Variants in CRYZL1 observed in about 807,000 individuals in gnomAD.
CRYZL1 encodes ferry endosomal RAB5 effector complex subunit 4.
CRYZL1 carries 34 observed loss-of-function variants against 50.6 expected under a neutral mutation model. The observed-to-expected ratio is 0.67, with a 90% CI of 0.51 to 0.89. The LOEUF (loss-of-function observed/expected upper bound fraction) is 0.89. Ranked by LOEUF, CRYZL1 falls within the 40% of genes least tolerant of loss-of-function variation. CRYZL1 has a pLI of 0.00. For missense variants in CRYZL1, 354 were observed against 402.3 expected (o/e 0.88, Z 1.03); for synonymous variants, 125 against 134.3 (o/e 0.93, Z 0.48).
intron 5 of CRYZL1, among the ~76,000 whole-genome samples, chr21:33,615,365 G>C (rs951462056): frequency 2.0e-5 from 3 of 151,816 alleles, no homozygotes; most frequent in African/African-American, 7.3e-5. Flanking sequence ...TGTTGCCCAG[G>C]CTGGTCTTGA....
At chr21:33,621,801 T>C (rs550511710) in intron 4 of CRYZL1, among the ~76,000 whole-genome samples, 195 bp downstream of exon 4, 2 of 152,098 alleles carry the variant, frequency 1.3e-5, no homozygotes, top group East Asian at 3.9e-4. Context: ...AGGCTGTAGC[T>C]ATGATCAGGC....
At chr21:33,633,004 T>C (rs1456910658) in intron 1 of CRYZL1, among the ~76,000 whole-genome samples, 1 of 152,208 alleles carries the variant, frequency 6.6e-6, no homozygotes, top group Non-Finnish European at 1.5e-5. Context: ...CTTTAATGTC[T>C]GTTTTCTTTC....
In CRYZL1 at chr21:33,603,550, A is replaced by G; in HGVS notation, c.332-13T>C. ...TCTGGTTTATGAACTATCATAAAGA[A>G]CAAGAAGAAACAATCTGTTAGCAAG... On this transcript the variant is annotated splice_polypyrimidine_tract_variant and intron_variant, in intron 6 of 12. Transcript: ENST00000381554. The G allele has an allele frequency of 6.2e-7, 1 of 1,613,682 alleles. No individual in the cohort carries two copies. The highest frequency in any genetic ancestry group is 1.1e-5 in the South Asian group (1 of 91,088).
At chr21:33,621,269 C>T (rs2086997360) in intron 4 of CRYZL1, among the ~76,000 whole-genome samples, 2 of 147,942 alleles carry the variant, frequency 1.4e-5, no homozygotes, top group Non-Finnish European at 3.0e-5. Context: ...TTGAGCAACA[C>T]ATACAATACA....
rs2086624271 is a variant in CRYZL1 at position 33,589,875 on chromosome 21, T to A, written c.997A>T (p.Met333Leu). 2 of 1,612,560 alleles carry A rather than the reference T, an allele frequency of 1.2e-6. No homozygotes were observed. Among genetic ancestry groups the A allele is most frequent in the Admixed American group, 1.7e-5 (1 of 59,758 alleles). The change falls in exon 13 of 13, where the codon ATG becomes TTG. Residue 333 changes from methionine to leucine, a missense_variant. Coordinates refer to ENST00000381554, the MANE Select transcript of CRYZL1 (RefSeq NM_145858.3). Reference sequence around the variant, plus strand: ...CCTTGATTTTTCTGAACAGCTTCCATGGAAACTTTTGCCTCATACAGTGGA... The same window carrying A: ...CCTTGATTTTTCTGAACAGCTTCCAAGGAAACTTTTGCCTCATACAGTGGA... ...PIPLYEAKVS[M>L]EAVQKNQGRK...
intron 6 of CRYZL1, 135 bp downstream of exon 6, chr21:33,613,403 T>A (rs2086893499): frequency 1.7e-6 from 1 of 577,382 alleles, no homozygotes; most frequent in African/African-American, 1.9e-5. Flanking sequence ...CAACATTTTT[T>A]ACATACATGA....
chr21:33,631,873 A>G (rs2087141412), intron 1 of CRYZL1, among the ~76,000 whole-genome samples: 1 of 152,148 alleles, frequency 6.6e-6, no homozygotes, highest in African/African-American at 2.4e-5. Flanking sequence ...ACTCAATTTT[A>G]TTTACCTTTT....
intron 4 of CRYZL1, chr21:33,616,988 G>T: frequency 3.5e-6 from 1 of 282,688 alleles, no homozygotes. Context: ...ACCAGGAGAA[G>T]TATCTCTCTC....
intron 1 of CRYZL1, among the ~76,000 whole-genome samples, chr21:33,635,965 G>T (rs1206352372): frequency 6.6e-6 from 1 of 151,832 alleles, no homozygotes; most frequent in Non-Finnish European, 1.5e-5. Flanking sequence ...TGGCAACACA[G>T]CGAGGCTTTG....
chr21:33,618,609 A>C (rs897932014), intron 4 of CRYZL1, among the ~76,000 whole-genome samples: 2 of 152,210 alleles, frequency 1.3e-5, no homozygotes, highest in African/African-American at 4.8e-5. Context: ...TCTGTCAACA[A>C]AATGGCCCCA....
In CRYZL1 at chr21:33,602,223, A is replaced by G. The variant is rs904073264; in HGVS notation, c.577+11T>C. 2.9e-6 allele frequency: 4 copies of G among 1,397,704 alleles called. No individual in the cohort carries two copies. Among genetic ancestry groups the G allele is most frequent in the Admixed American group, 1.7e-5 (1 of 58,476 alleles). The allele number at this position is 1,397,704 out of a possible 1,614,324, so 86.6% of individuals were successfully genotyped here. ...TCCTGTTTTAAAGTCTGTGCTCATA[A>G]TATTACCCACCTATGGGAGGTCTGA... On this transcript the variant is annotated intron_variant, in intron 8 of 12. Transcript: ENST00000381554.
intron 4 of CRYZL1, among the ~76,000 whole-genome samples, chr21:33,617,415 C>T (rs2086946288): frequency 6.6e-6 from 1 of 152,132 alleles, no homozygotes; most frequent in Admixed American, 6.6e-5. Flanking sequence ...GTGGCTAGCC[C>T]AATCTGTCTT....
intron 1 of CRYZL1, chr21:33,640,192 C>T: frequency 1.3e-6 from 2 of 1,548,126 alleles, no homozygotes; most frequent in Non-Finnish European, 1.7e-6. Flanking sequence ...ATTGGGTCTA[C>T]AAAAAGAGCA....
chr21:33,640,229 C>A, intron 1 of CRYZL1: 3 of 1,545,830 alleles, frequency 1.9e-6, no homozygotes, highest in Admixed American at 2.0e-5. Flanking sequence ...TATTTCATTG[C>A]ACAAGGCTGG....
chr21:33,614,980 C>T (rs1275238671), intron 5 of CRYZL1, among the ~76,000 whole-genome samples: 1 of 151,994 alleles, frequency 6.6e-6, no homozygotes, highest in Admixed American at 6.6e-5. Flanking sequence ...ATTTCCTGAG[C>T]AGAATAAAAA....
chr21:33,615,947 A>G, intron 5 of CRYZL1, among the ~76,000 whole-genome samples: 1 of 152,290 alleles, frequency 6.6e-6, no homozygotes, highest in Middle Eastern at 3.4e-3. Flanking sequence ...ATTTTTTATT[A>G]TACTTTAAGT....
chr21:33,605,527 A>ATTATTTTTTTTTTTTTTTTT (rs1555904645), intron 6 of CRYZL1, among the ~76,000 whole-genome samples: 1 of 14,840 alleles, frequency 6.7e-5, no homozygotes, highest in East Asian at 4.2e-3. Flanking sequence ...CAGTACAAGA[A>ATTATTTTTTTTTTTTTTTTT]TTCTTTTTTT....
intron 2 of CRYZL1, among the ~76,000 whole-genome samples, chr21:33,626,424 TG>T (rs1450852824): frequency 6.6e-6 from 1 of 151,078 alleles, no homozygotes; most frequent in African/African-American, 2.4e-5. Flanking sequence ...AGGCCGGGCA[TG>T]GGGGCTCACG....
At chr21:33,641,279 G>A (rs1474276783) in intron 1 of CRYZL1, 2 of 1,550,144 alleles carry the variant, frequency 1.3e-6, no homozygotes, top group South Asian at 2.4e-5. Flanking sequence ...TCCGAAAACA[G>A]CAAAGTGATG....
Sources: gnomAD v4.1 joint callset for allele counts (sites outside exome capture counted in the v4.1 genomes callset) on GRCh38, gnomAD v4.1.1 for gene constraint, MANE v1.5 for transcripts, NCBI Gene and HGNC (gene_info 2026-07-23, HGNC 2026-07-21) for gene names.